Variants in PPP6R3 observed in about 807,000 individuals in gnomAD.
PPP6R3 encodes the protein serine/threonine-protein phosphatase 6 regulatory subunit 3.
PPP6R3 carries 38 observed loss-of-function variants against 110.7 expected under a neutral mutation model. The ratio of observed to expected loss-of-function variants is 0.34; its 90% confidence interval spans 0.26 to 0.45. PPP6R3 has a LOEUF of 0.45. Among genes scored for constraint, PPP6R3 ranks in the 20% least tolerant of loss-of-function variants. The pLI, the probability that PPP6R3 is intolerant of heterozygous loss-of-function variation, is 1.00. For synonymous variants in PPP6R3, 369 were observed against 373.5 expected (o/e 0.99, Z 0.14); for missense variants, 870 against 1,062.4 (o/e 0.82, Z 2.52).
At chr11:68,509,656 G>C (rs1328158877) in intron 1 of PPP6R3, among the ~76,000 whole-genome samples, 1 of 151,554 alleles carries the variant, frequency 6.6e-6, no homozygotes, top group Non-Finnish European at 1.5e-5. Flanking sequence ...CTATCACCCA[G>C]GTTGGAGTGC....
intron 1 of PPP6R3, among the ~76,000 whole-genome samples, chr11:68,477,527 C>A (rs1013781337): frequency 1.6e-4 from 24 of 151,462 alleles, no homozygotes. Context: ...GAGTTTGAGA[C>A]CAGCCTGTGC....
Position 68,565,473 on chromosome 11 carries a change from G to T in PPP6R3, c.975+1041G>T, listed in dbSNP as rs190115568. The stretch of plus-strand genomic sequence containing the variant: ...TTGGTGTTTGACAATGATGGTCAGT[G>T]GCATCCTTCATGCCAGTCCTGGGAA... On this transcript the variant is annotated intron_variant, in intron 9 of 23. Transcript: ENST00000393800. Among the ~76,000 whole-genome samples the T allele has an allele frequency of 7.9e-5, 12 of 151,942 alleles. No homozygotes were observed. In the East Asian group the frequency reaches 2.1e-3, roughly 27 times the overall value.
In PPP6R3 at chr11:68,571,030, T is replaced by G. The variant is rs1431156365; in HGVS notation, c.1279-10T>G. On this transcript the variant is annotated splice_polypyrimidine_tract_variant and intron_variant, in intron 11 of 23. Transcript: ENST00000393800. ...AGTATTAACTGGAATATTCTTTTTT[T>G]TTTTTTCAGCTTTTCCAAAAATGTC... 3 of 1,593,224 alleles carry G rather than the reference T, an allele frequency of 1.9e-6. No homozygotes were observed. Among genetic ancestry groups the G allele is most frequent in the Non-Finnish European group, 2.6e-6 (3 of 1,174,500 alleles).
At chr11:68,538,771 C>G (rs2099287857) in intron 3 of PPP6R3, among the ~76,000 whole-genome samples, 1 of 152,212 alleles carries the variant, frequency 6.6e-6, no homozygotes, top group Non-Finnish European at 1.5e-5. Flanking sequence ...CAACCATTAA[C>G]ATTGACACTT....
intron 2 of PPP6R3, among the ~76,000 whole-genome samples, chr11:68,529,552 C>CT (rs1312764431): frequency 6.6e-6 from 1 of 152,186 alleles, no homozygotes; most frequent in African/African-American, 2.4e-5. Flanking sequence ...CTCCTTAAGT[C>CT]TAAACCAGTG....
Position 68,537,519 on chromosome 11 carries a change from T to C in PPP6R3, c.-6-140T>C, listed in dbSNP as rs988739912. On this transcript the variant is annotated intron_variant, in intron 2 of 23. Transcript: ENST00000393800. The stretch of plus-strand genomic sequence containing the variant: ...GCCAGTAACGCATTAAAAAGTATTT[T>C]ATAGGTTCAGTGTGAAGCTTATTTA... The C allele has an allele frequency of 8.9e-6, 5 of 559,664 alleles. No homozygotes were observed. In the African/African-American group the frequency reaches 9.5e-5, roughly 11 times the overall value. The allele number at this position is 559,664 out of a possible 1,614,324, so 34.7% of individuals were successfully genotyped here. A position where few individuals can be genotyped will look rare whatever the true frequency, so the allele number is the denominator to read the frequency against.
intron 1 of PPP6R3, among the ~76,000 whole-genome samples, chr11:68,488,336 T>TA (rs996340633): frequency 1.3e-5 from 2 of 152,120 alleles, no homozygotes; most frequent in South Asian, 2.1e-4. Flanking sequence ...CCCAGCTAAT[T>TA]AAAAAAAATT....
intron 7 of PPP6R3, among the ~76,000 whole-genome samples, chr11:68,556,504 C>G (rs1277875312): frequency 6.8e-6 from 1 of 148,048 alleles, no homozygotes; most frequent in African/African-American, 2.5e-5. Context: ...TTCACTTGAG[C>G]CAGTTGGTTT....
At chr11:68,511,361 G>A (rs55883802) in intron 1 of PPP6R3, among the ~76,000 whole-genome samples, 35,059 of 150,510 alleles carry the variant, frequency 0.23, 4,298 homozygotes, top group Middle Eastern at 0.34. Flanking sequence ...CACCGCGCCC[G>A]GCCCATGTAT....
At chr11:68,603,084 G>A (rs2153946950) in intron 21 of PPP6R3, among the ~76,000 whole-genome samples, 1 of 152,232 alleles carries the variant, frequency 6.6e-6, no homozygotes, top group South Asian at 2.1e-4. Flanking sequence ...GTATGGAGGT[G>A]GACGCTGAGC....
intron 16 of PPP6R3, 38 bp downstream of exon 16, chr11:68,588,062 C>T (rs990424586): frequency 1.3e-6 from 2 of 1,523,522 alleles, no homozygotes; most frequent in South Asian, 1.1e-5. Flanking sequence ...TGCTCTTGCA[C>T]ACCCTTGCTC....
intron 9 of PPP6R3, among the ~76,000 whole-genome samples, chr11:68,566,460 A>G (rs2099470890): frequency 1.3e-5 from 2 of 152,002 alleles, no homozygotes; most frequent in South Asian, 4.2e-4. Context: ...CCGCAGGCCC[A>G]GGTGATTCTC....
chr11:68,522,506 CT>C (rs1447533552), intron 2 of PPP6R3: 1 of 152,200 alleles, frequency 6.6e-6, no homozygotes, highest in Non-Finnish European at 1.5e-5. Flanking sequence ...AAATTTCGTT[CT>C]TTGCCCTGTG....
chr11:68,551,787 T>C (rs2099381041), intron 6 of PPP6R3, among the ~76,000 whole-genome samples: 4 of 152,140 alleles, frequency 2.6e-5, no homozygotes, highest in Non-Finnish European at 5.9e-5. Context: ...GTGCCCGGCC[T>C]CCTTTTTATT....
chr11:68,462,747 C>G (rs558110440), intron 1 of PPP6R3, among the ~76,000 whole-genome samples: 8 of 152,124 alleles, frequency 5.3e-5, no homozygotes, highest in Non-Finnish European at 7.3e-5. Flanking sequence ...ACCGCTTGCC[C>G]GATACTCTCC....
At chr11:68,602,265 C>T (rs755492616) in intron 21 of PPP6R3, among the ~76,000 whole-genome samples, 1 of 152,196 alleles carries the variant, frequency 6.6e-6, no homozygotes, top group African/African-American at 2.4e-5. Context: ...TGGAATTAGA[C>T]GTGTGCAGCC....
Position 68,613,200 on chromosome 11 carries a change from A to G in PPP6R3, c.*83A>G, listed in dbSNP as rs1379436484. 23 of 1,582,468 alleles carry G rather than the reference A, an allele frequency of 1.5e-5. No homozygotes were observed. The East Asian group carries it at 5.1e-4, about 35-fold the overall frequency. ...TGGAGGGGTCAGCTGGAGCCCACCA[A>G]GCTGTCACTGCTGCACTCACTCTGC... is the stretch of plus-strand genomic sequence containing the variant. On this transcript the variant is annotated 3_prime_UTR_variant, in exon 24 of 24. Transcript: ENST00000393800.
intron 1 of PPP6R3, among the ~76,000 whole-genome samples, chr11:68,498,315 C>T (rs537280951): frequency 1.3e-5 from 2 of 152,186 alleles, no homozygotes; most frequent in Admixed American, 1.3e-4. Flanking sequence ...TTACCCAGCT[C>T]TAACAACCAT....
chr11:68,519,843 A>T (rs2099154880), intron 2 of PPP6R3, among the ~76,000 whole-genome samples, 192 bp downstream of exon 2: 1 of 152,136 alleles, frequency 6.6e-6, no homozygotes, highest in Non-Finnish European at 1.5e-5. Context: ...CTGCTTTGGT[A>T]TATCTTAAAT....
Sources: allele counts gnomAD v4.1 joint callset (sites outside exome capture counted in the v4.1 genomes callset), GRCh38; gene constraint gnomAD v4.1.1; transcripts MANE v1.5; gene names NCBI Gene and HGNC (gene_info 2026-07-23, HGNC 2026-07-21).